EHBP1: variants seen among roughly 807,000 people sequenced by gnomAD.
The protein encoded by EHBP1 is EH domain-binding protein 1.
Under a neutral mutation model 144.0 loss-of-function variants are expected in EHBP1, and 55 were observed. The observed-to-expected ratio is 0.38, with a 90% confidence interval of 0.31 to 0.48. The LOEUF is 0.48. EHBP1 is among the 20% of genes least tolerant of loss of function. EHBP1 has a pLI of 0.98. For synonymous variants in EHBP1, 469 were observed against 472.7 expected, an observed-to-expected ratio of 0.99 and a Z score of 0.10; for missense variants, 1,200 against 1,364.2, an observed-to-expected ratio of 0.88 and a Z score of 1.90.
At chr2:62,797,103 T>C (rs992410204) in intron 5 of EHBP1, among the ~76,000 whole-genome samples, 1 of 152,236 alleles carries the variant, frequency 6.6e-6, no homozygotes, top group Non-Finnish European at 1.5e-5. Flanking sequence ...TGTGAACATA[T>C]CCTGACTGGT....
chr2:62,790,796 T>C (rs1303928710), intron 5 of EHBP1, among the ~76,000 whole-genome samples: 2 of 152,132 alleles, frequency 1.3e-5, no homozygotes, highest in African/African-American at 4.8e-5. Context: ...TAGATGTTAG[T>C]GTTTATACCA....
At chr2:62,766,956 A>AT (rs1476689646) in intron 4 of EHBP1, among the ~76,000 whole-genome samples, 1 of 142,586 alleles carries the variant, frequency 7.0e-6, no homozygotes, top group South Asian at 2.2e-4. Flanking sequence ...AGTGTGCTTC[A>AT]TTAAAAAAAA....
At chr2:62,966,079 A>G (rs1219984922) in intron 14 of EHBP1, among the ~76,000 whole-genome samples, 2 of 152,240 alleles carry the variant, frequency 1.3e-5, no homozygotes, top group Non-Finnish European at 2.9e-5. Context: ...CAAGCTTTTC[A>G]GTTGAACAAA....
At chr2:63,002,098 G>C (rs1276313611) in intron 19 of EHBP1, among the ~76,000 whole-genome samples, 1 of 152,002 alleles carries the variant, frequency 6.6e-6, no homozygotes, top group Non-Finnish European at 1.5e-5. Context: ...ATAATAAAAA[G>C]GATACAAACA....
intron 2 of EHBP1, among the ~76,000 whole-genome samples, chr2:62,741,599 G>T (rs976143326): frequency 1.3e-5 from 2 of 152,040 alleles, no homozygotes; most frequent in Non-Finnish European, 2.9e-5. Context: ...AGATTTTAGT[G>T]CAGTCCCTTC....
chr2:62,714,249 G>C (rs1472116917), intron 2 of EHBP1, among the ~76,000 whole-genome samples: 1 of 152,168 alleles, frequency 6.6e-6, no homozygotes, highest in Admixed American at 6.5e-5. Context: ...GAAAGAAAAA[G>C]TTTGCTGACT....
intron 14 of EHBP1, among the ~76,000 whole-genome samples, chr2:62,977,900 A>T (rs529743358): frequency 6.6e-6 from 1 of 152,304 alleles, no homozygotes; most frequent in African/African-American, 2.4e-5. Flanking sequence ...TGGTGGATTT[A>T]AACTGAATCT....
intron 14 of EHBP1, among the ~76,000 whole-genome samples, chr2:62,956,688 GAAAA>G (rs552448173): frequency 1.2e-3 from 130 of 107,432 alleles, no homozygotes; most frequent in East Asian, 2.2e-3. Context: ...TCTACTTACA[GAAAA>G]AAAAAAAAAA....
intron 5 of EHBP1, among the ~76,000 whole-genome samples, chr2:62,818,711 T>C (rs921457754): frequency 6.6e-6 from 1 of 152,120 alleles, no homozygotes; most frequent in Non-Finnish European, 1.5e-5. Flanking sequence ...ATAGAAAACA[T>C]TGACTAGAAA....
chr2:62,674,003 T>G (rs993438956), exon 1 of EHBP1: 1 of 470,810 alleles, frequency 2.1e-6, no homozygotes, highest in Non-Finnish European at 4.4e-6. Context: ...AGCAGCAATG[T>G]GAGAATCAGA....
At chr2:62,754,347 C>T (rs1345125492) in intron 3 of EHBP1, among the ~76,000 whole-genome samples, 1 of 152,144 alleles carries the variant, frequency 6.6e-6, no homozygotes, top group Non-Finnish European at 1.5e-5. Context: ...GATCTTTCCT[C>T]TGGAAGCCTC....
chr2:62,979,650 A>T (rs756065061), intron 15 of EHBP1, among the ~76,000 whole-genome samples: 77 of 152,194 alleles, frequency 5.1e-4, no homozygotes, highest in Non-Finnish European at 6.6e-4. Flanking sequence ...TGTAAAATGT[A>T]ATTGAATCCC....
chr2:62,766,441 G>C (rs1317841951), intron 4 of EHBP1, among the ~76,000 whole-genome samples: 2 of 152,212 alleles, frequency 1.3e-5, no homozygotes, highest in East Asian at 3.9e-4. Context: ...GGACCTGAGA[G>C]ACCCAGTAGG....
intron 7 of EHBP1, among the ~76,000 whole-genome samples, chr2:62,854,870 G>A (rs183663798): frequency 2.0e-5 from 3 of 152,304 alleles, no homozygotes; most frequent in Admixed American, 6.5e-5. Context: ...CAGGAGCCCC[G>A]CCCCTTCTGA....
At position 62,754,816 on chromosome 2, in the gene EHBP1, C is replaced by T. The variant is rs1573152889; in HGVS notation, c.162+7364C>T. 4.6e-5 allele frequency among the ~76,000 whole-genome samples: 7 copies of T among 152,144 alleles called. No individual in the cohort carries two copies. In the South Asian group the frequency reaches 8.3e-4, roughly 18 times the overall value. ...AGCGGGATATAATCTCCTGGTGTGC[C>T]GTTTGCTAAGATTGTTGGGAAAGCG... On this transcript the variant is annotated intron_variant, in intron 3 of 22. Transcript: ENST00000431489.
chr2:62,793,940 T>A (rs1474173990), intron 5 of EHBP1, among the ~76,000 whole-genome samples: 1 of 152,140 alleles, frequency 6.6e-6, no homozygotes, highest in Non-Finnish European at 1.5e-5. Flanking sequence ...TTTGAAGTCT[T>A]ACTTGATATA....
chr2:62,946,092 C>T (rs2057049279), intron 12 of EHBP1, among the ~76,000 whole-genome samples: 1 of 152,132 alleles, frequency 6.6e-6, no homozygotes, highest in South Asian at 2.1e-4. Context: ...AATTTAAATA[C>T]AGACATGAGC....
intron 7 of EHBP1, among the ~76,000 whole-genome samples, chr2:62,839,864 C>T (rs1170893826): frequency 2.0e-5 from 3 of 151,644 alleles, no homozygotes; most frequent in Non-Finnish European, 4.4e-5. Flanking sequence ...GAAGAACATT[C>T]CATGCTCATG....
chr2:62,890,933 A>G (rs1261863841), intron 10 of EHBP1, among the ~76,000 whole-genome samples: 1 of 152,214 alleles, frequency 6.6e-6, no homozygotes, highest in African/African-American at 2.4e-5. Context: ...GTAATCCAGC[A>G]CTTTGGGAGG....
Sources: gnomAD v4.1 joint callset for allele counts (sites outside exome capture counted in the v4.1 genomes callset) on GRCh38, gnomAD v4.1.1 for gene constraint, MANE v1.5 for transcripts, NCBI Gene and HGNC (gene_info 2026-07-23, HGNC 2026-07-21) for gene names.